The following SERPING1 variants were observed in gnomAD, a reference collection of about 807,000 sequenced individuals.
SERPING1 encodes the protein serpin family G member 1.
In SERPING1, 5 loss-of-function variants were observed where a neutral mutation model predicts 34.1. That is an observed-to-expected ratio of 0.15 (90% CI 0.08 to 0.31). The LOEUF (loss-of-function observed/expected upper bound fraction) is 0.31, where lower values mean the gene tolerates loss of function less well. Among genes scored for constraint, SERPING1 ranks in the 10% least tolerant of loss-of-function variants. The pLI, the probability that SERPING1 is intolerant of heterozygous loss-of-function variation, is 1.00. For missense variants in SERPING1, 505 were observed against 609.5 expected, an observed-to-expected ratio of 0.83 and a Z score of 1.81; for synonymous variants, 225 against 242.4, an observed-to-expected ratio of 0.93 and a Z score of 0.67.
Position 57,606,540 on chromosome 11 carries a change from A to C in SERPING1, c.1022A>C (p.Lys341Thr), listed in dbSNP as rs774279611. The C allele has an allele frequency of 3.7e-6, 6 of 1,613,986 alleles. No individual in the cohort carries two copies. In the African/African-American group the frequency reaches 8.0e-5, roughly 22 times the overall value. Residue 341 changes from lysine to threonine, a missense_variant, in exon 6 of 8, where the codon AAA becomes ACA. Coordinates refer to ENST00000278407, the MANE Select transcript of SERPING1 (RefSeq NM_000062.3). ...PVAHFIDQTL[K>T]AKVGQLQLSH... is the part of the protein sequence containing the mutation. Reference sequence around the variant, plus strand: ...GCCCATTTCATTGACCAAACTTTGAAAGCCAAGGTAAGTTCTTAACCTTTC... The same window carrying C: ...GCCCATTTCATTGACCAAACTTTGACAGCCAAGGTAAGTTCTTAACCTTTC...
At chr11:57,603,319 G>A (rs1356761954) in intron 4 of SERPING1, among the ~76,000 whole-genome samples, 1 of 151,576 alleles carries the variant, frequency 6.6e-6, no homozygotes, top group African/African-American at 2.4e-5. Flanking sequence ...CGAGGCAGGC[G>A]ATTCACAAGG....
intron 4 of SERPING1, 168 bp from the exon 5 acceptor site, chr11:57,605,842 G>T (rs1945402837): frequency 1.4e-6 from 1 of 725,074 alleles, no homozygotes; most frequent in Non-Finnish European, 2.5e-6. Flanking sequence ...CCTTCTTTGG[G>T]CCTTATTTGC....
Position 57,602,141 on chromosome 11 carries a change from C to T in SERPING1, c.657C>T (p.Thr219=), listed in dbSNP as rs1173821947. The change falls in exon 4 of 8, where the codon ACC becomes ACT. Residue 219 remains threonine, a synonymous_variant. Coordinates refer to ENST00000278407, the MANE Select transcript of SERPING1 (RefSeq NM_000062.3). ...AGGGCTTCACGACCAAAGGTGTCAC[C>T]TCAGTCTCTCAGATCTTCCACAGCC... ...ALKGFTTKGV[T]SVSQIFHSPD... The T allele has an allele frequency of 6.2e-7, 1 of 1,614,096 alleles. No homozygotes were observed. Among genetic ancestry groups the T allele is most frequent in the African/African-American group, 1.3e-5 (1 of 74,944 alleles).
At position 57,602,124 on chromosome 11, in the gene SERPING1, A is replaced by T. The variant is rs749484478; in HGVS notation, c.640A>T (p.Thr214Ser). The change falls in exon 4 of 8, where the codon ACG (threonine) becomes TCG (serine). Residue 214 changes from threonine to serine, a missense_variant. By Grantham distance (58) the Thr-to-Ser change is moderately conservative. Transcript: ENST00000278407. Reference sequence around the variant, plus strand: ...TGTCCACCAGGCCCTGAAGGGCTTCACGACCAAAGGTGTCACCTCAGTCTC... The same window carrying T: ...TGTCCACCAGGCCCTGAAGGGCTTCTCGACCAAAGGTGTCACCTCAGTCTC... ...TCVHQALKGF[T>S]TKGVTSVSQI... 7.4e-6 allele frequency: 12 copies of T among 1,614,064 alleles called. No homozygotes were observed. In the Admixed American group the frequency reaches 2.0e-4, roughly 27 times the overall value.
At chr11:57,603,825 C>T (rs1238215977) in intron 4 of SERPING1, among the ~76,000 whole-genome samples, 4 of 135,240 alleles carry the variant, frequency 3.0e-5, no homozygotes, top group Non-Finnish European at 4.6e-5. Context: ...GGCAACAGAG[C>T]GAGACACCAT....
chr11:57,602,538 C>T (rs1001236006), intron 4 of SERPING1, among the ~76,000 whole-genome samples: 1 of 151,268 alleles, frequency 6.6e-6, no homozygotes, highest in South Asian at 2.1e-4. Flanking sequence ...AGGTGGATCA[C>T]GAGGTCAGGG....
intron 3 of SERPING1, among the ~76,000 whole-genome samples, chr11:57,601,103 A>G (rs1005053425): frequency 6.6e-6 from 1 of 151,962 alleles, no homozygotes; most frequent in Non-Finnish European, 1.5e-5. Context: ...TCAAAAGATT[A>G]AGAAGCAGAA....
chr11:57,598,915 A>T (rs1336493314), intron 2 of SERPING1, among the ~76,000 whole-genome samples: 2 of 141,792 alleles, frequency 1.4e-5, no homozygotes, highest in African/African-American at 5.3e-5. Flanking sequence ...AAAGGTAGGT[A>T]GGGGTGTGTG....
chr11:57,609,802 A>G (rs1048129181), intron 6 of SERPING1, among the ~76,000 whole-genome samples: 9 of 152,094 alleles, frequency 5.9e-5, no homozygotes, highest in African/African-American at 1.4e-4. Flanking sequence ...GTCTTACTCT[A>G]TCACCCAGTC....
At position 57,611,924 on chromosome 11, in the gene SERPING1, A is replaced by C. The variant is rs780690190; in HGVS notation, c.1237A>C (p.Met413Leu). The change falls in exon 7 of 8, where the codon ATG becomes CTG. Residue 413 changes from methionine (M) to leucine (L), a missense_variant. Transcript: ENST00000278407. ...GACCAGCCAGGATATGCTCTCAATC[A>C]TGGAGAAATTGGGTGAGCTCTGGCA... Reference protein sequence around the residue: ...VTTSQDMLSIMEKLEFFDFSY... With the variant: ...VTTSQDMLSILEKLEFFDFSY... 1.9e-6 allele frequency: 3 copies of C among 1,613,964 alleles called. No individual in the cohort carries two copies. The highest frequency in any genetic ancestry group is 2.5e-6 in the Non-Finnish European group (3 of 1,179,964).
rs1945416197 is a variant in SERPING1 at position 57,606,898 on chromosome 11, G to A, written c.1029+351G>A. ...AAGTCCTGTGTGTATGTGGGTACCT[G>A]TGTACAGCATACATATACATGTGTA... On this transcript the variant is annotated intron_variant, in intron 6 of 7. Transcript: ENST00000278407. The A allele has an allele frequency of 1.7e-5, 9 of 541,460 alleles. No homozygotes were observed. The Admixed American group carries it at 2.0e-4, about 12-fold the overall frequency. 33.5% of individuals were successfully genotyped at this position (541,460 alleles called of 1,614,324 possible). A position where few individuals can be genotyped will look rare whatever the true frequency, so the allele number is the denominator to read the frequency against.
chr11:57,598,932 CGTGT>C (rs3054018), intron 2 of SERPING1, among the ~76,000 whole-genome samples: 1 of 150,720 alleles, frequency 6.6e-6, no homozygotes, highest in Non-Finnish European at 1.5e-5. Context: ...TGTGTATGTG[CGTGT>C]GTGTGTGTGT....
chr11:57,610,618 C>G (rs1243714358), intron 6 of SERPING1, among the ~76,000 whole-genome samples: 3 of 152,206 alleles, frequency 2.0e-5, no homozygotes, highest in Non-Finnish European at 4.4e-5. Flanking sequence ...ATCATAATAC[C>G]ATTTAATGAC....
rs777831305 is a variant in SERPING1 at position 57,606,453 on chromosome 11, C to G, written c.935C>G (p.Pro312Arg). ...TFDPKKTRME[P>R]FHFKNSVIKV... The stretch of plus-strand genomic sequence containing the variant: ...GATCCCAAGAAAACCAGAATGGAAC[C>G]CTTTCACTTCAAAAACTCAGTTATA... Residue 312 changes from proline (P) to arginine (R), a missense_variant, in exon 6 of 8, where the codon CCC (proline) becomes CGC (arginine). Pro to Arg is a moderately radical substitution (Grantham distance 103). Coordinates refer to ENST00000278407, the MANE Select transcript of SERPING1 (RefSeq NM_000062.3). The G allele has an allele frequency of 2.0e-5, 33 of 1,614,008 alleles. No homozygotes were observed. The Admixed American group carries it at 3.0e-4, about 15-fold the overall frequency.
At chr11:57,611,548 A>C in intron 6 of SERPING1, 169 bp from the exon 7 acceptor site, 1 of 706,346 alleles carries the variant, frequency 1.4e-6, no homozygotes, top group Admixed American at 2.1e-5. Flanking sequence ...AGCACTGTTC[A>C]CCCAGCTGGT....
At chr11:57,602,846 A>G (rs951450339) in intron 4 of SERPING1, among the ~76,000 whole-genome samples, 1 of 151,652 alleles carries the variant, frequency 6.6e-6, no homozygotes, top group African/African-American at 2.4e-5. Context: ...TGTAAGTTCA[A>G]GGAGTTGAAG....
chr11:57,613,500 A>G (rs973050725), intron 7 of SERPING1, among the ~76,000 whole-genome samples: 1 of 152,220 alleles, frequency 6.6e-6, no homozygotes, highest in African/African-American at 2.4e-5. Flanking sequence ...TTACTGGTTT[A>G]TTATGTAAAG....
intron 4 of SERPING1, 29 bp downstream of exon 4, chr11:57,602,198 C>T (rs1294331589): frequency 1.2e-6 from 2 of 1,613,764 alleles, no homozygotes; most frequent in Admixed American, 1.7e-5. Context: ...GCAGTGTCTG[C>T]AGAGGAGGGT....
chr11:57,605,107 A>C (rs543520470), intron 4 of SERPING1, among the ~76,000 whole-genome samples: 1 of 152,262 alleles, frequency 6.6e-6, no homozygotes, highest in South Asian at 2.1e-4. Flanking sequence ...GAGGTGTTCA[A>C]GAAATGTTGC....
Sources: allele counts gnomAD v4.1 joint callset (sites outside exome capture counted in the v4.1 genomes callset), GRCh38; gene constraint gnomAD v4.1.1; transcripts MANE v1.5; gene names NCBI Gene and HGNC (gene_info 2026-07-23, HGNC 2026-07-21).